The following AXIN2 variants were observed in gnomAD, a reference collection of about 807,000 sequenced individuals.
The protein encoded by AXIN2 is axin 2.
Under a neutral mutation model 74.7 loss-of-function variants are expected in AXIN2, and 21 were observed. The observed-to-expected ratio is 0.28, with a 90% CI of 0.20 to 0.40. The LOEUF is 0.40. Among genes scored for constraint, AXIN2 ranks in the 10% least tolerant of loss-of-function variants. The pLI is 1.00. For missense variants in AXIN2, 1,144 were observed against 1,111.1 expected, an observed-to-expected ratio of 1.03 and a Z score of -0.42; for synonymous variants, 532 against 454.9, an observed-to-expected ratio of 1.17 and a Z score of -2.16.
Position 65,542,139 on chromosome 17 carries a change from T to C in AXIN2, c.957-582A>G, listed in dbSNP as rs76900023. Among the ~76,000 whole-genome samples, 1,383 of 152,314 alleles carry C rather than the reference T, an allele frequency of 9.1e-3. 26 individuals carry two copies. Among genetic ancestry groups the C allele is most frequent in the African/African-American group, 0.032 (1,327 of 41,564 alleles). ...AGTACAGCGTGATTAATAAAAAGAA[T>C]ATATAACATTTAGGCCCCTTCTCTC... On this transcript the variant is annotated intron_variant, in intron 3 of 10. Coordinates refer to ENST00000307078, the MANE Select transcript of AXIN2 (RefSeq NM_004655.4).
chr17:65,550,502 T>C (rs2044176603), intron 2 of AXIN2, among the ~76,000 whole-genome samples: 1 of 152,146 alleles, frequency 6.6e-6, no homozygotes, highest in South Asian at 2.1e-4. Context: ...GCATTCCTCT[T>C]GTGTCACCAG....
In AXIN2 at chr17:65,537,058, C is replaced by T. The variant is rs1165490589; in HGVS notation, c.1718G>A (p.Ser573Asn). 4 of 1,604,264 alleles carry T rather than the reference C, an allele frequency of 2.5e-6. No individual in the cohort carries two copies. Among genetic ancestry groups the T allele is most frequent in the East Asian group, 2.2e-5 (1 of 44,828 alleles). ...ETMPSEQFGG[S>N]RGSTLPKRNG... ...GCGTTTGGGCAAGGTACTGCCTCTG[C>T]TGCCGCTGTGGGGAACCAAGAACCA... The change falls in exon 7 of 11, where the codon AGC becomes AAC. Residue 573 changes from serine to asparagine, a missense_variant. Around this residue, in one of 4 missense-constraint regions of AXIN2, gnomAD observed 1,053 missense variants for 973.5 expected, o/e 1.08. Coordinates refer to ENST00000307078, the MANE Select transcript of AXIN2 (RefSeq NM_004655.4).
At chr17:65,550,460 GAAC>G (rs1288999517) in intron 2 of AXIN2, among the ~76,000 whole-genome samples, 2 of 152,150 alleles carry the variant, frequency 1.3e-5, no homozygotes, top group East Asian at 3.9e-4. Flanking sequence ...TCTCCTTCCA[GAAC>G]AACCAGTGTG....
At chr17:65,545,932 C>G (rs1399306498) in intron 3 of AXIN2, among the ~76,000 whole-genome samples, 4 of 152,106 alleles carry the variant, frequency 2.6e-5, no homozygotes, top group Admixed American at 1.3e-4. Flanking sequence ...TTGCAAAGGC[C>G]CCCAGGACTT....
intron 2 of AXIN2, among the ~76,000 whole-genome samples, chr17:65,550,994 G>C (rs958012666): frequency 6.6e-6 from 1 of 152,208 alleles, no homozygotes; most frequent in Non-Finnish European, 1.5e-5. Flanking sequence ...AGCCTGCCCA[G>C]ATCACACAGC....
intron 2 of AXIN2, among the ~76,000 whole-genome samples, chr17:65,553,539 C>G (rs1345358153): frequency 2.0e-5 from 3 of 152,186 alleles, no homozygotes; most frequent in African/African-American, 7.2e-5. Context: ...TATGTGTGCT[C>G]ACACGGCTTT....
At position 65,529,164 on chromosome 17, in the gene AXIN2, C is replaced by A; in HGVS notation, c.*812G>T. The A allele has an allele frequency of 4.3e-6, 1 of 234,222 alleles. No homozygotes were observed. The highest frequency in any genetic ancestry group is 8.4e-6 in the Non-Finnish European group (1 of 118,788). 14.5% of individuals were successfully genotyped at this position (234,222 alleles called of 1,614,324 possible). A position where few individuals can be genotyped will look rare whatever the true frequency, so the allele number is the denominator to read the frequency against. On this transcript the variant is annotated 3_prime_UTR_variant, in exon 11 of 11. Transcript: ENST00000307078. ...TTCTAGCAGGCCTCAGGGCCCTGGG[C>A]CTGGGGAGGCTACATGAGGGGGAGC...
chr17:65,548,999 C>T (rs180936344), intron 3 of AXIN2, among the ~76,000 whole-genome samples: 19 of 152,210 alleles, frequency 1.2e-4, no homozygotes, highest in Admixed American at 4.6e-4. Context: ...CAAAACAATG[C>T]GGAACATTAC....
Position 65,539,302 on chromosome 17 carries a change from C to G in AXIN2, c.1060-959G>C, listed in dbSNP as rs182916915. 7.9e-5 allele frequency among the ~76,000 whole-genome samples: 12 copies of G among 152,226 alleles called. No homozygotes were observed. In the South Asian group the frequency reaches 2.3e-3, roughly 29 times the overall value. Reference sequence around the variant, plus strand: ...AGCTAACTTGCAAAGGCTAGCATCTCCCCCAGCTGAAAAGATGGGCCTTGC... The same window carrying G: ...AGCTAACTTGCAAAGGCTAGCATCTGCCCCAGCTGAAAAGATGGGCCTTGC... On this transcript the variant is annotated intron_variant, in intron 4 of 10. Transcript: ENST00000307078.
intron 3 of AXIN2, among the ~76,000 whole-genome samples, chr17:65,543,365 CTG>C (rs1208543987): frequency 1.3e-5 from 2 of 152,206 alleles, no homozygotes; most frequent in African/African-American, 4.8e-5. Context: ...TATCAAAACT[CTG>C]TGTCTTCACC....
At chr17:65,553,620 G>C (rs1014327592) in intron 2 of AXIN2, among the ~76,000 whole-genome samples, 12 of 152,082 alleles carry the variant, frequency 7.9e-5, no homozygotes, top group Non-Finnish European at 1.6e-4. Context: ...GAGGACTACT[G>C]TGTGACCAGT....
At chr17:65,560,432 G>C (rs954070195) in intron 1 of AXIN2, 1 of 149,420 alleles carries the variant, frequency 6.7e-6, no homozygotes, top group East Asian at 2.0e-4. Context: ...CGGGGGGCGG[G>C]GGAGGGCAAG....
chr17:65,540,216 G>A (rs1478947858), intron 4 of AXIN2, among the ~76,000 whole-genome samples: 1 of 151,202 alleles, frequency 6.6e-6, no homozygotes, highest in Non-Finnish European at 1.5e-5. Context: ...GACACAAGAA[G>A]TAGAATGTCC....
chr17:65,551,752 A>G (rs2044196761), intron 2 of AXIN2, among the ~76,000 whole-genome samples: 2 of 152,328 alleles, frequency 1.3e-5, no homozygotes, highest in South Asian at 4.1e-4. Context: ...GGACCCCTGT[A>G]ATCATCACAA....
At position 65,529,653 on chromosome 17, in the gene AXIN2, G is replaced by A; in HGVS notation, c.*323C>T. The A allele has an allele frequency of 2.2e-6, 1 of 447,092 alleles. No homozygotes were observed. Among genetic ancestry groups the A allele is most frequent in the Non-Finnish European group, 4.2e-6 (1 of 240,236 alleles). 27.7% of individuals were successfully genotyped at this position (447,092 alleles called of 1,614,324 possible). ...GGTAAGCTATACACAGTTTCTCTTAGTTTATGGATTTCAGATCCCTAGGAA... is the reference window on the plus strand; with the variant it reads ...GGTAAGCTATACACAGTTTCTCTTAATTTATGGATTTCAGATCCCTAGGAA... On this transcript the variant is annotated 3_prime_UTR_variant, in exon 11 of 11. Coordinates refer to ENST00000307078, the MANE Select transcript of AXIN2 (RefSeq NM_004655.4).
At chr17:65,532,524 G>T (rs375859397) in intron 10 of AXIN2, among the ~76,000 whole-genome samples, 2 of 152,162 alleles carry the variant, frequency 1.3e-5, no homozygotes, top group Middle Eastern at 3.2e-3. Context: ...CCAGCAACAC[G>T]CCCTGCTGGC....
At chr17:65,559,121 T>TCCCCC (rs2044322721) in intron 1 of AXIN2, among the ~76,000 whole-genome samples, 1 of 150,818 alleles carries the variant, frequency 6.6e-6, no homozygotes, top group African/African-American at 2.4e-5. Flanking sequence ...TCCCTTCCCC[T>TCCCCC]CCCCCGATAC....
intron 7 of AXIN2, 97 bp from the exon 8 acceptor site, chr17:65,536,650 A>C (rs1190454912): frequency 1.4e-6 from 2 of 1,434,140 alleles, no homozygotes; most frequent in Non-Finnish European, 9.7e-7. Context: ...TATTCTGCTC[A>C]GAGAGAGAGT....
chr17:65,543,966 C>T (rs1470618720), intron 3 of AXIN2, among the ~76,000 whole-genome samples: 1 of 152,128 alleles, frequency 6.6e-6, no homozygotes, highest in East Asian at 1.9e-4. Flanking sequence ...GCTGGTCTAA[C>T]CAAATTCTGC....
Sources: allele counts gnomAD v4.1 joint callset (sites outside exome capture counted in the v4.1 genomes callset), GRCh38; gene constraint gnomAD v4.1.1; regional missense constraint gnomAD v4.1.1; transcripts MANE v1.5; gene names NCBI Gene and HGNC (gene_info 2026-07-23, HGNC 2026-07-21).